The following RAD51B variants were observed in gnomAD, a reference collection of about 807,000 sequenced individuals.
RAD51B encodes RAD51 paralog B.
Under a neutral mutation model 42.2 loss-of-function variants are expected in RAD51B, and 38 were observed. The observed-to-expected ratio is 0.90, with a 90% CI of 0.70 to 1.18. The LOEUF (loss-of-function observed/expected upper bound fraction) is 1.18. Among genes scored for constraint, RAD51B ranks in the 50% most tolerant of loss-of-function variants. RAD51B has a pLI of 0.00. For missense variants in RAD51B, 373 were observed against 400.7 expected (o/e 0.93, Z 0.59); for synonymous variants, 154 against 145.2 (o/e 1.06, Z -0.43).
intron 7 of RAD51B, among the ~76,000 whole-genome samples, chr14:68,078,283 G>A (rs1023238636): frequency 2.6e-5 from 4 of 152,288 alleles, no homozygotes; most frequent in African/African-American, 7.2e-5. Context: ...CAAGTAGCTG[G>A]GACTACAGGT....
chr14:68,210,821 C>T (rs898102229), intron 7 of RAD51B, among the ~76,000 whole-genome samples: 10 of 152,176 alleles, frequency 6.6e-5, no homozygotes, highest in Admixed American at 1.3e-4. Context: ...CAGCTGTTCA[C>T]GATATGGTCG....
chr14:68,329,018 A>G (rs1047013501), intron 8 of RAD51B, among the ~76,000 whole-genome samples: 1 of 152,014 alleles, frequency 6.6e-6, no homozygotes, highest in Non-Finnish European at 1.5e-5. Context: ...ATTTATGTAT[A>G]TATTTTTTGA....
intron 7 of RAD51B, among the ~76,000 whole-genome samples, chr14:68,290,999 G>T (rs2081505888): frequency 6.6e-6 from 1 of 151,694 alleles, no homozygotes; most frequent in Non-Finnish European, 1.5e-5. Flanking sequence ...GTAGAGACAG[G>T]GTTTCTCCAC....
intron 7 of RAD51B, among the ~76,000 whole-genome samples, chr14:68,206,328 C>T (rs763244615): frequency 6.6e-6 from 1 of 152,104 alleles, no homozygotes; most frequent in Non-Finnish European, 1.5e-5. Flanking sequence ...ACTGTTTTTC[C>T]TTTAAAAGCA....
intron 7 of RAD51B, among the ~76,000 whole-genome samples, chr14:68,161,032 C>A (rs928874769): frequency 6.6e-6 from 1 of 152,112 alleles, no homozygotes; most frequent in Non-Finnish European, 1.5e-5. Flanking sequence ...GCTCTTATAT[C>A]GTTGTGTTTG....
chr14:68,156,618 T>TA (rs2078517770), intron 7 of RAD51B, among the ~76,000 whole-genome samples: 1 of 152,134 alleles, frequency 6.6e-6, no homozygotes, highest in African/African-American at 2.4e-5. Context: ...TATTCGTATT[T>TA]AACTTCATTC....
At chr14:67,986,508 C>T (rs17104853) in intron 7 of RAD51B, among the ~76,000 whole-genome samples, 10 of 152,156 alleles carry the variant, frequency 6.6e-5, no homozygotes, top group South Asian at 6.2e-4. Flanking sequence ...TTTGCAATAA[C>T]GTTTGACCTT....
downstream of RAD51B, among the ~76,000 whole-genome samples, chr14:68,482,026 A>G (rs905249206): frequency 1.3e-5 from 2 of 152,234 alleles, no homozygotes; most frequent in East Asian, 1.9e-4. Context: ...AGAAGGACAC[A>G]GGTAGCATTC....
At chr14:68,433,065 G>T (rs1391953463) in intron 9 of RAD51B, among the ~76,000 whole-genome samples, 1 of 152,190 alleles carries the variant, frequency 6.6e-6, no homozygotes, top group East Asian at 1.9e-4. Context: ...TAAGAATGTT[G>T]AATATTGGCC....
At chr14:68,378,062 C>G (rs17105501) in intron 8 of RAD51B, among the ~76,000 whole-genome samples, 1 of 152,088 alleles carries the variant, frequency 6.6e-6, no homozygotes, top group Non-Finnish European at 1.5e-5. Context: ...CTCAATTTTT[C>G]CCCTTTAAAA....
intron 7 of RAD51B, among the ~76,000 whole-genome samples, chr14:68,269,154 A>T: frequency 6.6e-6 from 1 of 152,224 alleles, no homozygotes; most frequent in East Asian, 1.9e-4. Flanking sequence ...GAATATTTTA[A>T]GCGTGTTACA....
intron 8 of RAD51B, among the ~76,000 whole-genome samples, chr14:68,331,384 A>AAAAAAAAAAAAAAAAAAAAAAAAAC (rs1295558050): frequency 6.7e-6 from 1 of 148,296 alleles, no homozygotes; most frequent in Non-Finnish European, 1.5e-5. Context: ...AAAAAAAAAA[A>AAAAAAAAAAAAAAAAAAAAAAAAAC]AGCAATGGTG....
At chr14:68,130,778 A>C (rs1208610766) in intron 7 of RAD51B, among the ~76,000 whole-genome samples, 1 of 152,226 alleles carries the variant, frequency 6.6e-6, no homozygotes, top group Non-Finnish European at 1.5e-5. Context: ...TGTAAATATC[A>C]GAGAAAAGTG....
intron 7 of RAD51B, among the ~76,000 whole-genome samples, chr14:68,081,465 T>C (rs1337465956): frequency 1.3e-5 from 2 of 152,132 alleles, no homozygotes; most frequent in Non-Finnish European, 2.9e-5. Context: ...AGGAGAAGAG[T>C]GAGGGCGGAG....
chr14:68,222,365 C>T (rs1247308432), intron 7 of RAD51B, among the ~76,000 whole-genome samples: 2 of 152,114 alleles, frequency 1.3e-5, no homozygotes, highest in African/African-American at 2.4e-5. Flanking sequence ...AATGAAATAA[C>T]GGCATTCACA....
intron 7 of RAD51B, among the ~76,000 whole-genome samples, chr14:68,208,753 G>A (rs987011522): frequency 6.6e-6 from 1 of 152,140 alleles, no homozygotes. Flanking sequence ...CTCCATGCAG[G>A]TCTGTGGCTG....
chr14:68,369,659 CT>C (rs2083212540), intron 8 of RAD51B, among the ~76,000 whole-genome samples: 1 of 152,188 alleles, frequency 6.6e-6, no homozygotes, highest in African/African-American at 2.4e-5. Context: ...CCTATCGATA[CT>C]TCATATGTTA....
chr14:68,162,784 CA>C (rs1229361148), intron 7 of RAD51B, among the ~76,000 whole-genome samples: 11 of 151,864 alleles, frequency 7.2e-5, no homozygotes, highest in Non-Finnish European at 1.6e-4. Context: ...GAATCCGTCT[CA>C]AAAAACAAAA....
chr14:67,926,334 C>T (rs562673922), intron 7 of RAD51B, among the ~76,000 whole-genome samples: 1 of 152,138 alleles, frequency 6.6e-6, no homozygotes, highest in Non-Finnish European at 1.5e-5. Flanking sequence ...TTCAAAGTTC[C>T]ACAAATCTCT....
Sources: gnomAD v4.1 joint callset for allele counts (sites outside exome capture counted in the v4.1 genomes callset) on GRCh38, gnomAD v4.1.1 for gene constraint, MANE v1.5 for transcripts, NCBI Gene and HGNC (gene_info 2026-07-23, HGNC 2026-07-21) for gene names.